Variants in TBC1D4 observed in about 807,000 individuals in gnomAD.
TBC1D4 encodes TBC (Tre-2, BUB2, CDC16) domain-containing protein.
In TBC1D4, 121 loss-of-function variants were observed where a neutral mutation model predicts 142.5. The ratio of observed to expected loss-of-function variants is 0.85; its 90% CI spans 0.73 to 0.99. The LOEUF is 0.99. Ranked by LOEUF, TBC1D4 falls within the 50% of genes least tolerant of loss-of-function variation. TBC1D4 has a pLI of 0.00. For missense variants in TBC1D4, 1,475 were observed against 1,606.6 expected, an observed-to-expected ratio of 0.92 and a Z score of 1.40; for synonymous variants, 630 against 628.2, an observed-to-expected ratio of 1.00 and a Z score of -0.04.
intron 1 of TBC1D4, among the ~76,000 whole-genome samples, chr13:75,471,175 C>G (rs1222874599): frequency 2.0e-5 from 3 of 151,806 alleles, no homozygotes; most frequent in Admixed American, 6.6e-5. Flanking sequence ...ATATATATCT[C>G]CAACCTAACT....
At chr13:75,459,366 T>C (rs1203684331) in intron 1 of TBC1D4, among the ~76,000 whole-genome samples, 2 of 152,178 alleles carry the variant, frequency 1.3e-5, no homozygotes, top group Non-Finnish European at 2.9e-5. Context: ...GTGTTTCTGA[T>C]TGATTGTGTG....
At chr13:75,411,229 T>C (rs1048057966) in intron 1 of TBC1D4, among the ~76,000 whole-genome samples, 3 of 152,104 alleles carry the variant, frequency 2.0e-5, no homozygotes, top group African/African-American at 7.2e-5. Context: ...TTAAATGAAA[T>C]ACATAATAAA....
chr13:75,471,548 G>A (rs764678437), intron 1 of TBC1D4, among the ~76,000 whole-genome samples: 8 of 152,006 alleles, frequency 5.3e-5, no homozygotes, highest in Non-Finnish European at 1.0e-4. Flanking sequence ...GGCCAGCCTG[G>A]CCAACATGGT....
intron 12 of TBC1D4, among the ~76,000 whole-genome samples, chr13:75,313,199 G>A (rs1443177961): frequency 6.6e-6 from 1 of 152,212 alleles, no homozygotes; most frequent in African/African-American, 2.4e-5. Flanking sequence ...AGTACAGGTT[G>A]CTTAAGTCAT....
Position 75,286,734 on chromosome 13 carries a change from G to T in TBC1D4, c.*58C>A. The T allele has an allele frequency of 6.5e-7, 1 of 1,540,620 alleles. No individual in the cohort carries two copies. Among genetic ancestry groups the T allele is most frequent in the East Asian group, 2.3e-5 (1 of 43,298 alleles). ...CCAGCCTTGGGCCAGCGACATGCAG[G>T]CTCTTCCTCTCTGTAGTATTCTAAG... On this transcript the variant is annotated 3_prime_UTR_variant, in exon 21 of 21. Transcript: ENST00000377636.
At chr13:75,335,874 T>A (rs1349042118) in intron 8 of TBC1D4, among the ~76,000 whole-genome samples, 1 of 152,174 alleles carries the variant, frequency 6.6e-6, no homozygotes, top group East Asian at 1.9e-4. Context: ...AGTTACCCAG[T>A]TTCAGGTATT....
Position 75,341,161 on chromosome 13 carries a change from C to T in TBC1D4, c.1575G>A (p.Lys525=), listed in dbSNP as rs750984637. 21 of 1,613,322 alleles carry T rather than the reference C, an allele frequency of 1.3e-5. No individual in the cohort carries two copies. Among genetic ancestry groups the T allele is most frequent in the Non-Finnish European group, 1.7e-5 (20 of 1,179,876 alleles). Residue 525 remains lysine (K), a synonymous_variant, in exon 7 of 21, where the codon AAG becomes AAA. Coordinates refer to ENST00000377636, the MANE Select transcript of TBC1D4 (RefSeq NM_014832.5). The part of the protein sequence containing the change: ...ILHLRQLCEA[K]QKTHVHIGEG... ...CCCCGATGTGCACGTGTGTCTTCTG[C>T]TTGGCTTCACACAGCTGCCTCAGGT...
At chr13:75,399,686 G>C (rs1344060203) in intron 1 of TBC1D4, among the ~76,000 whole-genome samples, 8 of 152,238 alleles carry the variant, frequency 5.3e-5, no homozygotes, top group African/African-American at 1.7e-4. Flanking sequence ...CCAGAGGGCA[G>C]ACAGTGATGG....
rs1887599594 is a variant in TBC1D4 at position 75,453,218 on chromosome 13, G to T, written c.498+28052C>A. 2.6e-5 allele frequency among the ~76,000 whole-genome samples: 4 copies of T among 151,530 alleles called. No homozygotes were observed. In the South Asian group the frequency reaches 8.4e-4, roughly 32 times the overall value. ...AAGATTTTTAGGTAGCATTTTTCTT[G>T]CTTTCAAGTATCCTCAAGCACTGAG... On this transcript the variant is annotated intron_variant, in intron 1 of 20. Transcript: ENST00000377636.
At position 75,359,774 on chromosome 13, in the gene TBC1D4, A is replaced by C. The variant is rs776304989; in HGVS notation, c.1165T>G (p.Ser389Ala). Residue 389 changes from serine to alanine, a missense_variant, in exon 3 of 21, where the codon TCT becomes GCT. This residue lies in a region of TBC1D4 where 1,227 missense variants were observed against 1,267.7 expected (regional missense o/e 0.97). Coordinates refer to ENST00000377636, the MANE Select transcript of TBC1D4 (RefSeq NM_014832.5). ...TGATATACTTTGATACATACCTGAG[A>C]ACAAGAGGAGATATCTTTAAAATTC... ...EKNFKDISSC[S>A]QGIKHVDHFG... 6.8e-6 allele frequency: 11 copies of C among 1,608,934 alleles called. No individual in the cohort carries two copies. Among genetic ancestry groups the C allele is most frequent in the Non-Finnish European group, 9.4e-6 (11 of 1,175,412 alleles).
At chr13:75,459,686 G>A (rs910607794) in intron 1 of TBC1D4, among the ~76,000 whole-genome samples, 2 of 152,044 alleles carry the variant, frequency 1.3e-5, no homozygotes, top group Admixed American at 6.6e-5. Context: ...TTCCCTGTGT[G>A]TTCTTTTTCT....
chr13:75,403,848 TAAGAG>T (rs1414447376), intron 1 of TBC1D4, among the ~76,000 whole-genome samples: 1 of 152,170 alleles, frequency 6.6e-6, no homozygotes, highest in African/African-American at 2.4e-5. Context: ...AGAGACTTCT[TAAGAG>T]AAGCAGTAAA....
At position 75,292,525 on chromosome 13, in the gene TBC1D4, C is replaced by T. The variant is rs7985912; in HGVS notation, c.3317-254G>A. On this transcript the variant is annotated intron_variant, in intron 18 of 20. Coordinates refer to ENST00000377636, the MANE Select transcript of TBC1D4 (RefSeq NM_014832.5). The stretch of plus-strand genomic sequence containing the variant: ...AGTATATATCTCTGTCCATGAACTA[C>T]TTGTAATTTTTAATGCCAAATTTAA... Among the ~76,000 whole-genome samples, 44,678 of 151,984 alleles carry T rather than the reference C, an allele frequency of 0.29. 7,755 individuals are homozygous for T. Among genetic ancestry groups the T allele is most frequent in the African/African-American group, 0.48 (19,838 of 41,474 alleles).
chr13:75,289,013 T>C lies in TBC1D4; in HGVS notation c.3584A>G (p.Asp1195Gly). 6.2e-7 allele frequency: 1 copy of C among 1,613,934 alleles called. No individual in the cohort carries two copies. ...ELQESSYSCEDSETLEKLERA... is the reference protein window; with the variant it reads ...ELQESSYSCEGSETLEKLERA... Reference sequence around the variant, plus strand: ...CTCCAGCTTCTCCAAAGTTTCACTATCCTCACAGGAATATGAAGATTCCTG... The same window carrying C: ...CTCCAGCTTCTCCAAAGTTTCACTACCCTCACAGGAATATGAAGATTCCTG... The change falls in exon 20 of 21, where the codon GAT (aspartate) becomes GGT (glycine). Residue 1195 changes from aspartate to glycine, a missense_variant. Transcript: ENST00000377636.
At chr13:75,465,928 T>C (rs1888148589) in intron 1 of TBC1D4, among the ~76,000 whole-genome samples, 2 of 152,158 alleles carry the variant, frequency 1.3e-5, no homozygotes, top group Non-Finnish European at 2.9e-5. Flanking sequence ...TCTTTTAATC[T>C]ACCTGTGACC....
At chr13:75,435,928 TAAAC>T (rs1402452231) in intron 1 of TBC1D4, among the ~76,000 whole-genome samples, 2 of 152,254 alleles carry the variant, frequency 1.3e-5, no homozygotes, top group East Asian at 1.9e-4. Flanking sequence ...CACACTGATA[TAAAC>T]AAACAGACAA....
intron 1 of TBC1D4, among the ~76,000 whole-genome samples, chr13:75,368,134 A>C (rs117256301): frequency 0.01 from 1,534 of 152,352 alleles, 17 homozygotes; most frequent in Non-Finnish European, 0.015. Context: ...TAGAAGTCTA[A>C]AACTGAGTCT....
chr13:75,423,249 G>C (rs958406306), intron 1 of TBC1D4, among the ~76,000 whole-genome samples: 1 of 150,608 alleles, frequency 6.6e-6, no homozygotes, highest in Non-Finnish European at 1.5e-5. Context: ...CTCTATGTAT[G>C]TAAGTGTTTT....
At chr13:75,397,406 GAA>G (rs1884851420) in intron 1 of TBC1D4, among the ~76,000 whole-genome samples, 1 of 152,160 alleles carries the variant, frequency 6.6e-6, no homozygotes, top group South Asian at 2.1e-4. Flanking sequence ...GGAAGCAGAG[GAA>G]AAGAGAAGGA....
Sources: allele counts gnomAD v4.1 joint callset (sites outside exome capture counted in the v4.1 genomes callset), GRCh38; gene constraint gnomAD v4.1.1; regional missense constraint gnomAD v4.1.1; transcripts MANE v1.5; gene names NCBI Gene and HGNC (gene_info 2026-07-23, HGNC 2026-07-21).